TRIM28: variants seen among roughly 807,000 people sequenced by gnomAD.
The protein encoded by TRIM28 is tripartite motif containing 28.
TRIM28 carries 8 observed loss-of-function variants against 87.4 expected under a neutral mutation model. That is an observed-to-expected ratio of 0.09 (90% CI 0.05 to 0.17). TRIM28 has a LOEUF of 0.17. Ranked by LOEUF, TRIM28 falls within the 10% of genes least tolerant of loss-of-function variation. The pLI is 1.00. For missense variants in TRIM28, 968 were observed against 1,131.8 expected, an observed-to-expected ratio of 0.86 and a Z score of 2.08; for synonymous variants, 601 against 454.3, an observed-to-expected ratio of 1.32 and a Z score of -4.11.
At chr19:58,546,121 A>G (rs937068840) in intron 3 of TRIM28, among the ~76,000 whole-genome samples, 1 of 152,164 alleles carries the variant, frequency 6.6e-6, no homozygotes, top group African/African-American at 2.4e-5. Context: ...GGAGACCTTA[A>G]TGTGCTGCAG....
intron 2 of TRIM28, 76 bp from the exon 3 acceptor site, chr19:58,545,688 C>A: frequency 1.3e-6 from 2 of 1,566,604 alleles, no homozygotes; most frequent in South Asian, 2.3e-5. Flanking sequence ...CTTAAATCTC[C>A]GGTTGTATTT....
In TRIM28 at chr19:58,548,531, C is replaced by A. The variant is rs1468661163; in HGVS notation, c.1262C>A (p.Ala421Glu). ...ERPGTNSTGP[A>E]PMAPPRAPGP... The stretch of plus-strand genomic sequence containing the variant: ...CCTGGCACTAACTCAACAGGCCCTG[C>A]ACCCATGGCCCCTCCAAGAGCCCCA... Residue 421 changes from alanine to glutamate, a missense_variant, in exon 9 of 17, where the codon GCA becomes GAA. Physicochemically the swap from Ala to Glu is moderately radical, Grantham distance 107. This residue lies in a region of TRIM28 where 119 missense variants were observed against 93.6 expected (regional missense o/e 1.27). Transcript: ENST00000253024. 6.2e-7 allele frequency: 1 copy of A among 1,614,032 alleles called. No homozygotes were observed. Among genetic ancestry groups the A allele is most frequent in the Non-Finnish European group, 8.5e-7 (1 of 1,180,020 alleles).
chr19:58,547,144 T>TCAAGAAG, intron 3 of TRIM28: 1 of 568,016 alleles, frequency 1.8e-6, no homozygotes, highest in Non-Finnish European at 3.1e-6. Context: ...TGTTGTTATC[T>TCAAGAAG]CTAGAAGCTA....
At position 58,545,068 on chromosome 19, in the gene TRIM28, G is replaced by T. The variant is rs1028343763; in HGVS notation, c.311G>T (p.Gly104Val). The change falls in exon 1 of 17, where the codon GGG becomes GTG. Residue 104 changes from glycine to valine, a missense_variant. Coordinates refer to ENST00000253024, the MANE Select transcript of TRIM28 (RefSeq NM_005762.3). ...PAAPAAANSS[G>V]DGGAAGDGTV... is the part of the protein sequence containing the mutation. The stretch of plus-strand genomic sequence containing the variant: ...GCCCCCGCCGCCGCCAACAGCTCGG[G>T]GGACGGCGGGGCGGCGGGCGACGGC... The T allele has an allele frequency of 1.7e-5, 25 of 1,445,668 alleles. No individual in the cohort carries two copies. Among genetic ancestry groups the T allele is most frequent in the Non-Finnish European group, 2.2e-5 (24 of 1,112,700 alleles). 89.6% of individuals were successfully genotyped at this position (1,445,668 alleles called of 1,614,324 possible).
chr19:58,545,955 T>C, intron 3 of TRIM28, 59 bp downstream of exon 3: 1 of 1,544,500 alleles, frequency 6.5e-7, no homozygotes, highest in Non-Finnish European at 8.8e-7. Context: ...CTCAGTTGCT[T>C]TTATGATGTT....
chr19:58,544,612 G>A lies in TRIM28; in HGVS notation c.-146G>A. Reference sequence around the variant, plus strand: ...CGTAGCAGCGTCCCGCGCGCGGCGGGCAGCGGCCCAGGAGGCGCGTGGCGG... The same window carrying A: ...CGTAGCAGCGTCCCGCGCGCGGCGGACAGCGGCCCAGGAGGCGCGTGGCGG... On this transcript the variant is annotated 5_prime_UTR_variant, in exon 1 of 17. Transcript: ENST00000253024. 1 of 196,852 alleles carries A rather than the reference G, an allele frequency of 5.1e-6. No individual in the cohort carries two copies. The highest frequency in any genetic ancestry group is 9.1e-6 in the Non-Finnish European group (1 of 109,550). 12.2% of individuals were successfully genotyped at this position (196,852 alleles called of 1,614,324 possible). A position where few individuals can be genotyped will look rare whatever the true frequency, so the allele number is the denominator to read the frequency against.
rs2053746253 is a variant in TRIM28 at position 58,544,900 on chromosome 19, C to T, written c.143C>T (p.Ala48Val). The T allele has an allele frequency of 3.6e-6, 5 of 1,378,606 alleles. No homozygotes were observed. Among genetic ancestry groups the T allele is most frequent in the South Asian group, 3.2e-5 (2 of 61,938 alleles). 85.4% of individuals were successfully genotyped at this position (1,378,606 alleles called of 1,614,324 possible). A position where few individuals can be genotyped will look rare whatever the true frequency, so the allele number is the denominator to read the frequency against. ...AAASASASAA[A>V]SSPAGGGAEA... Reference sequence around the variant, plus strand: ...GCCTCGGCCTCTGCCTCAGCCGCGGCGTCGTCGCCCGCGGGGGGCGGCGCC... The same window carrying T: ...GCCTCGGCCTCTGCCTCAGCCGCGGTGTCGTCGCCCGCGGGGGGCGGCGCC... Residue 48 changes from alanine (A) to valine (V), a missense_variant, in exon 1 of 17, where the codon GCG becomes GTG. Ala to Val is a moderately conservative substitution (Grantham distance 64). Transcript: ENST00000253024.
At position 58,550,014 on chromosome 19, in the gene TRIM28, T is replaced by A; in HGVS notation, c.2172T>A (p.Ala724=). 2 of 1,614,096 alleles carry A rather than the reference T, an allele frequency of 1.2e-6. No individual in the cohort carries two copies. Among genetic ancestry groups the A allele is most frequent in the Non-Finnish European group, 1.7e-6 (2 of 1,179,994 alleles). Residue 724 remains alanine, a synonymous_variant, in exon 15 of 17, where the codon GCT becomes GCA. Transcript: ENST00000253024. ...CCTGCCGCCCCCTGCATCAGCTGGCTACCGACTCCACCTTCTCCCTGGTGA... is the reference window on the plus strand; with the variant it reads ...CCTGCCGCCCCCTGCATCAGCTGGCAACCGACTCCACCTTCTCCCTGGTGA... ...HEPCRPLHQL[A]TDSTFSLDQP...
Position 58,549,959 on chromosome 19 carries a change from G to A in TRIM28, c.2117G>A (p.Arg706His), listed in dbSNP as rs1340729658. 15 of 1,613,916 alleles carry A rather than the reference G, an allele frequency of 9.3e-6. No homozygotes were observed. The highest frequency in any genetic ancestry group is 1.7e-5 in the Admixed American group (1 of 59,986). Residue 706 changes from arginine to histidine, a missense_variant, in exon 15 of 17, where the codon CGT becomes CAT. By Grantham distance (29) the Arg-to-His change is conservative (BLOSUM62 0). Coordinates refer to ENST00000253024, the MANE Select transcript of TRIM28 (RefSeq NM_005762.3). This position sits in a 1 kb window ranked among gnomAD's most constrained non-coding sequence, Gnocchi z 4.4. ...TTACAATGTTTGTAGAAATGTGAGC[G>A]TGTACTGCTGGCCCTATTCTGTCAC... Reference protein sequence around the residue: ...LSPANQRKCERVLLALFCHEP... With the variant: ...LSPANQRKCEHVLLALFCHEP...
In TRIM28 at chr19:58,548,923, C is replaced by T. The variant is rs747849897; in HGVS notation, c.1409+13C>T. On this transcript the variant is annotated intron_variant, in intron 11 of 16. Transcript: ENST00000253024. ...CAGGTGTGAAACGGTAAGTATGGCA[C>T]CTCCCCTGGGGGTGAGGTGGATGGA... 3 of 1,613,818 alleles carry T rather than the reference C, an allele frequency of 1.9e-6. No individual in the cohort carries two copies. The highest frequency in any genetic ancestry group is 3.3e-5 in the Admixed American group (2 of 60,008).
rs1418053392 is a variant in TRIM28 at position 58,544,173 on chromosome 19, C to G, written c.-585C>G. 3 of 152,376 alleles carry G rather than the reference C, an allele frequency of 2.0e-5. No individual in the cohort carries two copies. Among genetic ancestry groups the G allele is most frequent in the South Asian group, 2.1e-4 (1 of 4,846 alleles). The allele number at this position is 152,376 out of a possible 1,614,324, so 9.4% of individuals were successfully genotyped here. On this transcript the variant is annotated 5_prime_UTR_variant, in exon 1 of 17. Transcript: ENST00000253024. Reference sequence around the variant, plus strand: ...GCACAGCGGCCCGCTTCTGTGTGGTCTGGAGGTGGAGCTGAGAGGGGAATC... The same window carrying G: ...GCACAGCGGCCCGCTTCTGTGTGGTGTGGAGGTGGAGCTGAGAGGGGAATC...
Position 58,550,598 on chromosome 19 carries a change from C to A in TRIM28, c.*45C>A. The A allele has an allele frequency of 6.4e-7, 1 of 1,568,360 alleles. No individual in the cohort carries two copies. Among genetic ancestry groups the A allele is most frequent in the South Asian group, 1.1e-5 (1 of 89,100 alleles). On this transcript the variant is annotated 3_prime_UTR_variant, in exon 17 of 17. Transcript: ENST00000253024. ...AGCCCAGCCTGGCTCTGTTCTCTGT[C>A]CTGTCACCCCATCCCCACTCCCCTG... is the stretch of plus-strand genomic sequence containing the variant.
At chr19:58,547,163 G>A in intron 3 of TRIM28, 1 of 597,442 alleles carries the variant, frequency 1.7e-6, no homozygotes, top group South Asian at 2.1e-5. Context: ...TAGAAGAAAG[G>A]GATGTGTTTC....
At chr19:58,547,129 T>TA (rs1167333436) in intron 3 of TRIM28, 2 of 527,558 alleles carry the variant, frequency 3.8e-6, no homozygotes, top group African/African-American at 1.9e-5. Flanking sequence ...TCCTTACCCT[T>TA]ACATTGTTGT....
intron 1 of TRIM28, 36 bp from the exon 2 acceptor site, chr19:58,545,389 A>G: frequency 1.3e-6 from 2 of 1,532,216 alleles, no homozygotes; most frequent in Non-Finnish European, 1.8e-6. Flanking sequence ...CTGGGTGGGA[A>G]CTTGTAACAG....
Position 58,545,025 on chromosome 19 carries a change from G to A in TRIM28, c.268G>A (p.Ala90Thr). Residue 90 changes from alanine to threonine, a missense_variant, in exon 1 of 17, where the codon GCC becomes ACC. By Grantham distance (58) the Ala-to-Thr change is moderately conservative. Coordinates refer to ENST00000253024, the MANE Select transcript of TRIM28 (RefSeq NM_005762.3). ...LLPCLHSACS[A>T]CLGPAAPAAA... is the part of the protein sequence containing the mutation. Reference sequence around the variant, plus strand: ...GCCCTGTTTGCACTCGGCCTGTAGTGCCTGCTTAGGGCCCGCGGCCCCCGC... The same window carrying A: ...GCCCTGTTTGCACTCGGCCTGTAGTACCTGCTTAGGGCCCGCGGCCCCCGC... 2 of 1,488,422 alleles carry A rather than the reference G, an allele frequency of 1.3e-6. No homozygotes were observed. The highest frequency in any genetic ancestry group is 8.8e-7 in the Non-Finnish European group (1 of 1,132,338). The allele number at this position is 1,488,422 out of a possible 1,614,324, so 92.2% of individuals were successfully genotyped here. A position where few individuals can be genotyped will look rare whatever the true frequency, so the allele number is the denominator to read the frequency against.
intron 3 of TRIM28, among the ~76,000 whole-genome samples, chr19:58,546,832 G>A (rs7249841): frequency 0.12 from 18,147 of 152,080 alleles, 1,462 homozygotes; most frequent in East Asian, 0.37. Flanking sequence ...GAGGGGGTGT[G>A]ACCACCATTC....
Position 58,544,839 on chromosome 19 carries a change from G to C in TRIM28, c.82G>C (p.Gly28Arg). Residue 28 changes from glycine (G) to arginine (R), a missense_variant, in exon 1 of 17, where the codon GGC becomes CGC. This residue lies in a region of TRIM28 where 208 missense variants were observed against 170.9 expected (regional missense o/e 1.22). Coordinates refer to ENST00000253024, the MANE Select transcript of TRIM28 (RefSeq NM_005762.3). ...CCCGGGCCCGGGCGAGGGCTCCGCTGGCGGCGAAAAGCGCTCCACCGCCCC... is the reference window on the plus strand; with the variant it reads ...CCCGGGCCCGGGCGAGGGCTCCGCTCGCGGCGAAAAGCGCTCCACCGCCCC... ...GSPGPGEGSA[G>R]GEKRSTAPSA... is the part of the protein sequence containing the mutation. The C allele has an allele frequency of 1.6e-6, 2 of 1,281,894 alleles. No individual in the cohort carries two copies. The highest frequency in any genetic ancestry group is 2.0e-6 in the Non-Finnish European group (2 of 1,014,934). The allele number at this position is 1,281,894 out of a possible 1,614,324, so 79.4% of individuals were successfully genotyped here.
chr19:58,549,308 C>T lies in TRIM28; in HGVS notation c.1663-23C>T. Reference sequence around the variant, plus strand: ...TAGTCCAGGTCTGGACCCTGTTGAACACCCCTCATCACCACCTTGCAGGAG... The same window carrying T: ...TAGTCCAGGTCTGGACCCTGTTGAATACCCCTCATCACCACCTTGCAGGAG... On this transcript the variant is annotated intron_variant, in intron 12 of 16. Coordinates refer to ENST00000253024, the MANE Select transcript of TRIM28 (RefSeq NM_005762.3). This position sits in a 1 kb window ranked among gnomAD's most constrained non-coding sequence, Gnocchi z 4.4. 1 of 1,570,412 alleles carries T rather than the reference C, an allele frequency of 6.4e-7. No individual in the cohort carries two copies. Among genetic ancestry groups the T allele is most frequent in the South Asian group, 1.2e-5 (1 of 84,768 alleles).
Sources: allele counts gnomAD v4.1 joint callset (sites outside exome capture counted in the v4.1 genomes callset), GRCh38; gene constraint gnomAD v4.1.1; regional missense constraint gnomAD v4.1.1; non-coding constraint Gnocchi (gnomAD v3.1); transcripts MANE v1.5; gene names NCBI Gene and HGNC (gene_info 2026-07-23, HGNC 2026-07-21).